The following GPC6 variants were observed in gnomAD, a reference collection of about 807,000 sequenced individuals.
The protein encoded by GPC6 is glypican-6.
A neutral mutation model predicts 55.2 loss-of-function variants in GPC6; 14 were observed. The ratio of observed to expected loss-of-function variants is 0.25; its 90% CI spans 0.17 to 0.40. The LOEUF is 0.40. Ranked by LOEUF, GPC6 falls within the 10% of genes least tolerant of loss-of-function variation. GPC6 has a pLI of 1.00. For missense variants in GPC6, 641 were observed against 708.5 expected (o/e 0.90, Z 1.08); for synonymous variants, 278 against 259.6 (o/e 1.07, Z -0.68).
chr13:94,127,336 T>C (rs1490181844), intron 4 of GPC6, among the ~76,000 whole-genome samples: 1 of 152,070 alleles, frequency 6.6e-6, no homozygotes, highest in Non-Finnish European at 1.5e-5. Flanking sequence ...TTGGTGCTGG[T>C]CTTGTGATAG....
chr13:93,820,899 T>A (rs1173176295), intron 2 of GPC6, among the ~76,000 whole-genome samples: 2 of 152,042 alleles, frequency 1.3e-5, no homozygotes, highest in Non-Finnish European at 2.9e-5. Flanking sequence ...AAGAGATGAG[T>A]GCATTGTGGA....
At chr13:93,871,834 G>T (rs986900062) in intron 3 of GPC6, among the ~76,000 whole-genome samples, 10 of 151,884 alleles carry the variant, frequency 6.6e-5, no homozygotes. Flanking sequence ...CAAAATTATG[G>T]TGATGGAGAT....
rs1247333587 is a variant in GPC6, at chr13:93,891,872, A to AGTGTGTGTGTATATT, written c.711+61334_711+61348dup. ...ATATGTAGTGTGTATGTGTATATATAGTGTGTGTGTATATTGTGTGTATAG... is the reference window on the plus strand; with the variant it reads ...ATATGTAGTGTGTATGTGTATATATAGTGTGTGTGTATATTGTGTGTGTGTATATTGTGTGTATAG... On this transcript the variant is annotated intron_variant, in intron 3 of 8. Transcript: ENST00000377047. Among the ~76,000 whole-genome samples the AGTGTGTGTGTATATT allele has an allele frequency of 2.7e-3, 417 of 151,842 alleles. 4 individuals carry two copies. Among genetic ancestry groups the AGTGTGTGTGTATATT allele is most frequent in the African/African-American group, 9.5e-3 (393 of 41,470 alleles).
chr13:94,021,630 A>G (rs945955693), intron 3 of GPC6, among the ~76,000 whole-genome samples: 5 of 152,088 alleles, frequency 3.3e-5, no homozygotes, highest in Admixed American at 6.6e-5. Flanking sequence ...GCCATAAAAA[A>G]AAAATTAGTG....
At chr13:93,416,902 T>C (rs1428268710) in intron 1 of GPC6, among the ~76,000 whole-genome samples, 6 of 152,130 alleles carry the variant, frequency 3.9e-5, no homozygotes, top group Non-Finnish European at 8.8e-5. Context: ...AGCATCCAAG[T>C]CTTCTGACTT....
At chr13:93,502,881 T>TATAATATA (rs1880573039) in intron 1 of GPC6, among the ~76,000 whole-genome samples, 1 of 152,110 alleles carries the variant, frequency 6.6e-6, no homozygotes, top group Admixed American at 6.5e-5. Context: ...TTATATAATA[T>TATAATATA]TTCTACCAGA....
At chr13:94,155,232 A>AC (rs67168006) in intron 4 of GPC6, among the ~76,000 whole-genome samples, 132,636 of 151,964 alleles carry the variant, frequency 0.87, 58,173 homozygotes, top group East Asian at 0.98. Flanking sequence ...TCATCCCACA[A>AC]CCTGCTCCTC....
chr13:93,774,592 T>C (rs1236749626), intron 2 of GPC6, among the ~76,000 whole-genome samples: 1 of 152,186 alleles, frequency 6.6e-6, no homozygotes, highest in African/African-American at 2.4e-5. Context: ...AGGAACTCTC[T>C]TTAATAATAC....
intron 2 of GPC6, among the ~76,000 whole-genome samples, chr13:93,781,925 CAT>C (rs1382042205): frequency 6.6e-6 from 1 of 151,988 alleles, no homozygotes; most frequent in East Asian, 1.9e-4. Flanking sequence ...TATGTATTAT[CAT>C]ATATTTATTT....
chr13:93,781,105 G>A (rs1594451410), intron 2 of GPC6, among the ~76,000 whole-genome samples: 1 of 151,622 alleles, frequency 6.6e-6, no homozygotes, highest in Non-Finnish European at 1.5e-5. Context: ...GTGAAACCCC[G>A]CCTCTACTAA....
chr13:93,276,857 C>A (rs941234514), intron 1 of GPC6, among the ~76,000 whole-genome samples: 3 of 152,152 alleles, frequency 2.0e-5, no homozygotes, highest in Non-Finnish European at 4.4e-5. Flanking sequence ...TTGTTTCTTT[C>A]CAGCTTACTT....
chr13:94,293,444 C>T (rs1398807098), intron 5 of GPC6, among the ~76,000 whole-genome samples: 4 of 152,284 alleles, frequency 2.6e-5, no homozygotes, highest in East Asian at 1.9e-4. Context: ...ATATAAGACA[C>T]GCCTGCTTCT....
chr13:94,030,318 C>CT (rs987254186), intron 4 of GPC6, among the ~76,000 whole-genome samples: 2 of 152,042 alleles, frequency 1.3e-5, no homozygotes, highest in African/African-American at 4.8e-5. Context: ...CCCTCTGTCT[C>CT]TTTTTTTAAT....
At chr13:94,080,352 T>A (rs1007794039) in intron 4 of GPC6, among the ~76,000 whole-genome samples, 3 of 152,202 alleles carry the variant, frequency 2.0e-5, no homozygotes, top group African/African-American at 7.2e-5. Flanking sequence ...TAATTTTAAT[T>A]ATATTTGGGT....
chr13:93,674,063 G>A (rs1015477742), intron 2 of GPC6, among the ~76,000 whole-genome samples: 1 of 152,068 alleles, frequency 6.6e-6, no homozygotes, highest in Non-Finnish European at 1.5e-5. Context: ...GGGGCAAGAA[G>A]CCAAGTGGAA....
chr13:93,611,580 C>G (rs1878462675), intron 2 of GPC6, among the ~76,000 whole-genome samples: 1 of 152,032 alleles, frequency 6.6e-6, no homozygotes, highest in Non-Finnish European at 1.5e-5. Flanking sequence ...GTAGTCTCAT[C>G]CCAGTTTTGA....
intron 4 of GPC6, among the ~76,000 whole-genome samples, chr13:94,141,201 T>C (rs534885699): frequency 2.6e-5 from 4 of 152,228 alleles, no homozygotes; most frequent in African/African-American, 9.6e-5. Context: ...CATGCATTGG[T>C]ATCGCCCAAA....
intron 7 of GPC6, among the ~76,000 whole-genome samples, chr13:94,394,629 G>A (rs888717968): frequency 3.9e-5 from 6 of 152,086 alleles, no homozygotes; most frequent in Non-Finnish European, 7.4e-5. Flanking sequence ...GACCCTTTCC[G>A]GGGGTCGCAC....
rs1594683001 is a variant in GPC6 at position 94,034,218 on chromosome 13, A to AAGGG, written c.877+6327_877+6328insGAGG. 1.2e-4 allele frequency among the ~76,000 whole-genome samples: 18 copies of AAGGG among 149,476 alleles called. 1 individual carries two copies. In the East Asian group the frequency reaches 3.6e-3, roughly 30 times the overall value. On this transcript the variant is annotated intron_variant, in intron 4 of 8. Coordinates refer to ENST00000377047, the MANE Select transcript of GPC6 (RefSeq NM_005708.5). Reference sequence around the variant, plus strand: ...GAAAGAAAGAAGGAAGGAAGGAAGGAAGGAAGGAAGGAAGGAAGGAAGGAA... The same window carrying AAGGG: ...GAAAGAAAGAAGGAAGGAAGGAAGGAAGGGAGGAAGGAAGGAAGGAAGGAAGGAA...
Sources: allele counts gnomAD v4.1 joint callset (sites outside exome capture counted in the v4.1 genomes callset), GRCh38; gene constraint gnomAD v4.1.1; transcripts MANE v1.5; gene names NCBI Gene and HGNC (gene_info 2026-07-23, HGNC 2026-07-21).